Variants in CNTN4 observed in about 807,000 individuals in gnomAD.
The protein encoded by CNTN4 is contactin 4.
In CNTN4, 77 loss-of-function variants were observed where a neutral mutation model predicts 122.5. That is an observed-to-expected ratio of 0.63 (90% CI 0.52 to 0.76). CNTN4 has a LOEUF of 0.76. Ranked by LOEUF, CNTN4 falls within the 30% of genes least tolerant of loss-of-function variation. The pLI is 0.00. For missense variants in CNTN4, 1,256 were observed against 1,259.1 expected (o/e 1.00, Z 0.04); for synonymous variants, 512 against 447.0 (o/e 1.15, Z -1.83).
chr3:2,288,223 G>C (rs973221639), intron 2 of CNTN4, among the ~76,000 whole-genome samples: 15 of 152,142 alleles, frequency 9.9e-5, no homozygotes, highest in African/African-American at 3.6e-4. Flanking sequence ...AGTTTATTTG[G>C]TTTACAGTTC....
At chr3:2,523,432 A>G (rs977588121) in intron 3 of CNTN4, among the ~76,000 whole-genome samples, 4 of 151,936 alleles carry the variant, frequency 2.6e-5, no homozygotes, top group African/African-American at 9.7e-5. Flanking sequence ...GAAAGATAGA[A>G]CAGTTTTTCA....
chr3:2,474,968 C>T (rs543699959), intron 3 of CNTN4, among the ~76,000 whole-genome samples: 45 of 152,208 alleles, frequency 3.0e-4, no homozygotes, highest in Non-Finnish European at 6.0e-4. Context: ...TTTAATCTTT[C>T]ATATTTTAAA....
chr3:2,378,692 T>A (rs952210248), intron 3 of CNTN4, among the ~76,000 whole-genome samples: 1 of 152,068 alleles, frequency 6.6e-6, no homozygotes, highest in Non-Finnish European at 1.5e-5. Flanking sequence ...AGACTCCAGA[T>A]CTAACTAAAA....
intron 6 of CNTN4, among the ~76,000 whole-genome samples, chr3:2,747,220 T>G (rs1227445334): frequency 6.6e-6 from 1 of 151,862 alleles, no homozygotes; most frequent in Non-Finnish European, 1.5e-5. Context: ...CCATCCTGGC[T>G]AACACGATGA....
chr3:2,461,945 G>A (rs1199854858), intron 3 of CNTN4, among the ~76,000 whole-genome samples: 1 of 152,124 alleles, frequency 6.6e-6, no homozygotes, highest in East Asian at 1.9e-4. Context: ...GATTCTCAAA[G>A]AGAAGAAGCT....
At chr3:2,183,699 C>T (rs1372269593) in intron 2 of CNTN4, among the ~76,000 whole-genome samples, 1 of 152,074 alleles carries the variant, frequency 6.6e-6, no homozygotes, top group African/African-American at 2.4e-5. Context: ...AAGAGAACAG[C>T]TCTTTGATAT....
At chr3:2,561,553 T>A (rs998596092) in intron 3 of CNTN4, among the ~76,000 whole-genome samples, 2 of 152,066 alleles carry the variant, frequency 1.3e-5, no homozygotes, top group African/African-American at 4.8e-5. Flanking sequence ...CAGAACCAGA[T>A]CCTTCCACTG....
intron 3 of CNTN4, among the ~76,000 whole-genome samples, chr3:2,384,338 C>A (rs2046153893): frequency 6.6e-6 from 1 of 152,130 alleles, no homozygotes; most frequent in Non-Finnish European, 1.5e-5. Context: ...TTTAGTCTAG[C>A]CGTGGCATGC....
intron 3 of CNTN4, among the ~76,000 whole-genome samples, chr3:2,479,077 A>G (rs2075912038): frequency 1.3e-5 from 2 of 151,916 alleles, no homozygotes; most frequent in South Asian, 4.2e-4. Context: ...CATTCTTTCC[A>G]TCTTTCTGTC....
At chr3:2,610,508 T>G (rs2081434797) in intron 4 of CNTN4, among the ~76,000 whole-genome samples, 1 of 152,208 alleles carries the variant, frequency 6.6e-6, no homozygotes, top group Non-Finnish European at 1.5e-5. Context: ...CTGCAACGAT[T>G]TCCACTGAGT....
chr3:2,167,030 ATTATG>A (rs988372824), intron 2 of CNTN4, among the ~76,000 whole-genome samples: 79 of 151,978 alleles, frequency 5.2e-4, no homozygotes, highest in African/African-American at 1.7e-3. Flanking sequence ...ATATCAAAAT[ATTATG>A]TTGTGTACAT....
At chr3:2,200,195 G>A (rs909929725) in intron 2 of CNTN4, among the ~76,000 whole-genome samples, 2 of 152,132 alleles carry the variant, frequency 1.3e-5, no homozygotes, top group Non-Finnish European at 2.9e-5. Context: ...TCTATGTGGT[G>A]GTAGTAGAGA....
chr3:2,532,520 T>G (rs1437621402), intron 3 of CNTN4, among the ~76,000 whole-genome samples: 4 of 152,182 alleles, frequency 2.6e-5, no homozygotes, highest in Non-Finnish European at 5.9e-5. Flanking sequence ...TCTGTATTTT[T>G]GAAAATCAAA....
chr3:2,764,191 G>A (rs902662470), intron 6 of CNTN4, among the ~76,000 whole-genome samples: 1 of 152,122 alleles, frequency 6.6e-6, no homozygotes, highest in Non-Finnish European at 1.5e-5. Context: ...TTCTAGTATG[G>A]AAGGAAAATG....
At chr3:2,993,591 C>T (rs1431656764) in intron 14 of CNTN4, among the ~76,000 whole-genome samples, 5 of 152,018 alleles carry the variant, frequency 3.3e-5, no homozygotes, top group Non-Finnish European at 5.9e-5. Context: ...TGAGCCACTG[C>T]GCCCCCCGAG....
At chr3:2,549,865 T>C (rs768386859) in intron 3 of CNTN4, among the ~76,000 whole-genome samples, 1 of 152,148 alleles carries the variant, frequency 6.6e-6, no homozygotes, top group Admixed American at 6.5e-5. Flanking sequence ...TAATTACTGC[T>C]TCAATTTCAG....
chr3:2,108,163 T>C (rs1453954424), intron 2 of CNTN4, among the ~76,000 whole-genome samples: 1 of 130,016 alleles, frequency 7.7e-6, no homozygotes, highest in African/African-American at 2.8e-5. Context: ...CATGTGCCTT[T>C]TCTTTTTTTT....
chr3:2,886,590 C>G (rs1418952767), intron 9 of CNTN4, among the ~76,000 whole-genome samples: 1 of 148,438 alleles, frequency 6.7e-6, no homozygotes, highest in Non-Finnish European at 1.5e-5. Flanking sequence ...TGGCTCACTG[C>G]AACCTCCGCT....
At chr3:2,264,363 G>A (rs562355921) in intron 2 of CNTN4, among the ~76,000 whole-genome samples, 1 of 152,082 alleles carries the variant, frequency 6.6e-6, no homozygotes, top group Non-Finnish European at 1.5e-5. Context: ...TTTTCTTGAT[G>A]GTTAGTGATA....
Sources: allele counts gnomAD v4.1 joint callset (sites outside exome capture counted in the v4.1 genomes callset), GRCh38; gene constraint gnomAD v4.1.1; transcripts MANE v1.5; gene names NCBI Gene and HGNC (gene_info 2026-07-23, HGNC 2026-07-21).